Variants in B4GALNT3 observed in about 807,000 individuals in gnomAD.
B4GALNT3 encodes beta-1,4-N-acetyl-galactosaminyltransferase 3, also known as beta-1,4-N-acetylgalactosaminyltransferase 3.
Under a neutral mutation model 120.2 loss-of-function variants are expected in B4GALNT3, and 86 were observed. The ratio of observed to expected loss-of-function variants is 0.72; its 90% CI spans 0.60 to 0.86. B4GALNT3 has a LOEUF of 0.86. Ranked by LOEUF, B4GALNT3 falls within the 40% of genes least tolerant of loss-of-function variation. The pLI is 0.00. For missense variants in B4GALNT3, 1,167 were observed against 1,298.9 expected (o/e 0.90, Z 1.56); for synonymous variants, 518 against 510.4 (o/e 1.01, Z -0.20).
intron 19 of B4GALNT3, among the ~76,000 whole-genome samples, chr12:560,188 G>A (rs2120752158): frequency 6.6e-6 from 1 of 152,312 alleles, no homozygotes; most frequent in Admixed American, 6.5e-5. Flanking sequence ...AAGGAGAGGG[G>A]AGGGTACCCT....
At chr12:541,514 AAG>A (rs1946915198) in intron 3 of B4GALNT3, among the ~76,000 whole-genome samples, 1 of 152,152 alleles carries the variant, frequency 6.6e-6, no homozygotes, top group African/African-American at 2.4e-5. Flanking sequence ...CAAAGTCTCC[AAG>A]ACTCAGAGGG....
At chr12:547,550 G>A (rs533311062) in intron 7 of B4GALNT3, among the ~76,000 whole-genome samples, 11 of 152,152 alleles carry the variant, frequency 7.2e-5, no homozygotes, top group South Asian at 6.2e-4. Context: ...GCCAGCTGCC[G>A]TGGTGGGTAC....
intron 15 of B4GALNT3, 34 bp from the exon 16 acceptor site, chr12:557,574 G>A: frequency 6.3e-7 from 1 of 1,590,922 alleles, no homozygotes; most frequent in Non-Finnish European, 8.5e-7. Flanking sequence ...TGCCTTGTCT[G>A]TGTTTCCTTC....
In B4GALNT3 at chr12:550,066, A is replaced by G. The variant is rs1461496002; in HGVS notation, c.997+154A>G. Among the ~76,000 whole-genome samples, 3 of 152,232 alleles carry G rather than the reference A, an allele frequency of 2.0e-5. No individual in the cohort carries two copies. Among genetic ancestry groups the G allele is most frequent in the Admixed American group, 2.0e-4 (3 of 15,286 alleles). ...GTAACATAGAACATGCATACAGAAAAGAGAGCATGTAAATAAGTATAAAAT... is the reference window on the plus strand; with the variant it reads ...GTAACATAGAACATGCATACAGAAAGGAGAGCATGTAAATAAGTATAAAAT... On this transcript the variant is annotated intron_variant, in intron 10 of 19. Transcript: ENST00000266383. This position sits in a 1 kb window ranked among gnomAD's most constrained non-coding sequence, Gnocchi z 4.1.
intron 1 of B4GALNT3, among the ~76,000 whole-genome samples, chr12:477,874 G>A (rs1946198824): frequency 6.6e-6 from 1 of 152,236 alleles, no homozygotes; most frequent in Non-Finnish European, 1.5e-5. Flanking sequence ...TACTGGCAGT[G>A]TGAGGGTAAA....
At position 544,975 on chromosome 12, in the gene B4GALNT3, G is replaced by A. The variant is rs1011825912; in HGVS notation, c.538+3G>A. The A allele has an allele frequency of 6.2e-7, 1 of 1,613,690 alleles. No individual in the cohort carries two copies. Among genetic ancestry groups the A allele is most frequent in the Non-Finnish European group, 8.5e-7 (1 of 1,179,768 alleles). On this transcript the variant is annotated splice_donor_region_variant and intron_variant, in intron 5 of 19. Coordinates refer to ENST00000266383, the MANE Select transcript of B4GALNT3 (RefSeq NM_173593.4). ...CTACCTGCACCCCTTTACTGATGGT[G>A]AGGCCAGCCCCAAAACCCCATCCTT...
intron 1 of B4GALNT3, among the ~76,000 whole-genome samples, chr12:469,196 A>G (rs1049834004): frequency 3.3e-5 from 5 of 152,296 alleles, no homozygotes; most frequent in South Asian, 2.1e-4. Flanking sequence ...TTCAAGCGCC[A>G]TGACTCACCA....
chr12:504,468 CTT>C (rs1043071395), intron 1 of B4GALNT3, among the ~76,000 whole-genome samples: 5 of 146,260 alleles, frequency 3.4e-5, no homozygotes, highest in African/African-American at 9.9e-5. Context: ...CCCCCGAACT[CTT>C]TTTTTCTGAG....
intron 1 of B4GALNT3, among the ~76,000 whole-genome samples, chr12:499,339 C>T (rs960578838): frequency 5.9e-5 from 9 of 152,198 alleles, no homozygotes; most frequent in Non-Finnish European, 8.8e-5. Context: ...GGGGAGAGCC[C>T]GTGCTCTCAC....
intron 1 of B4GALNT3, among the ~76,000 whole-genome samples, chr12:489,539 A>G (rs1946322195): frequency 6.6e-6 from 1 of 152,192 alleles, no homozygotes; most frequent in African/African-American, 2.4e-5. Context: ...CCAACTGTAT[A>G]TTTTCCACAA....
chr12:506,506 A>G (rs532579633), intron 1 of B4GALNT3, among the ~76,000 whole-genome samples: 2 of 152,372 alleles, frequency 1.3e-5, no homozygotes, highest in East Asian at 3.9e-4. Flanking sequence ...TAATATTAAA[A>G]GGTGCTTTCA....
intron 1 of B4GALNT3, among the ~76,000 whole-genome samples, chr12:530,234 G>A (rs1022665539): frequency 3.3e-5 from 5 of 152,278 alleles, no homozygotes; most frequent in African/African-American, 9.6e-5. Context: ...AGATTTTCCT[G>A]TCGTGAGCCA....
chr12:521,662 C>T (rs962769013), intron 1 of B4GALNT3, among the ~76,000 whole-genome samples: 2 of 152,204 alleles, frequency 1.3e-5, no homozygotes, highest in African/African-American at 4.8e-5. Context: ...TTGCTCACCA[C>T]GGGGTTCAGA....
At position 553,400 on chromosome 12, in the gene B4GALNT3, C is replaced by G; in HGVS notation, c.1477C>G (p.Arg493Gly). The G allele has an allele frequency of 6.2e-7, 1 of 1,613,872 alleles. No homozygotes were observed. Among genetic ancestry groups the G allele is most frequent in the Non-Finnish European group, 8.5e-7 (1 of 1,180,046 alleles). Residue 493 changes from arginine to glycine, a missense_variant, in exon 14 of 20, where the codon CGG becomes GGG. This residue lies in a region of B4GALNT3 where 983 missense variants were observed against 1,102.5 expected (regional missense o/e 0.89). Transcript: ENST00000266383. Reference protein sequence around the residue: ...REGLLAPFSKRNSTASFPGRT... With the variant: ...REGLLAPFSKGNSTASFPGRT... ...GGGCCTGCTGGCCCCCTTCTCCAAG[C>G]GGAACTCCACAGCGTCCTTCCCAGG...
At chr12:520,091 C>T (rs546072788) in intron 1 of B4GALNT3, among the ~76,000 whole-genome samples, 30 of 152,230 alleles carry the variant, frequency 2.0e-4, no homozygotes, top group Admixed American at 1.6e-3. Flanking sequence ...TGGATCGACG[C>T]GCTGGCTCAG....
chr12:539,992 T>C (rs1318462635), intron 3 of B4GALNT3, among the ~76,000 whole-genome samples: 1 of 152,234 alleles, frequency 6.6e-6, no homozygotes, highest in East Asian at 1.9e-4. Flanking sequence ...TAGGAACCGG[T>C]GACCTGATCA....
At chr12:530,259 G>T (rs1946793790) in intron 1 of B4GALNT3, among the ~76,000 whole-genome samples, 1 of 152,282 alleles carries the variant, frequency 6.6e-6, no homozygotes, top group African/African-American at 2.4e-5. Context: ...CCTGGCGTGT[G>T]ATGGGTCAGC....
chr12:462,065 A>G (rs1946027546), intron 1 of B4GALNT3, among the ~76,000 whole-genome samples: 1 of 152,116 alleles, frequency 6.6e-6, no homozygotes, highest in Non-Finnish European at 1.5e-5. Flanking sequence ...CCTTCCTCTG[A>G]TGACCAAAAT....
intron 15 of B4GALNT3, 29 bp from the exon 16 acceptor site, chr12:557,579 T>C (rs1385784025): frequency 6.3e-7 from 1 of 1,593,818 alleles, no homozygotes; most frequent in Non-Finnish European, 8.5e-7. Context: ...TGTCTGTGTT[T>C]CCTTCTCCTG....
Sources: allele counts gnomAD v4.1 joint callset (sites outside exome capture counted in the v4.1 genomes callset), GRCh38; gene constraint gnomAD v4.1.1; regional missense constraint gnomAD v4.1.1; non-coding constraint Gnocchi (gnomAD v3.1); transcripts MANE v1.5; gene names NCBI Gene and HGNC (gene_info 2026-07-23, HGNC 2026-07-21).